The following HK2 variants were observed in gnomAD, a reference collection of about 807,000 sequenced individuals.
HK2 encodes the protein hexokinase 2.
A neutral mutation model predicts 92.9 loss-of-function variants in HK2; 42 were observed. The observed-to-expected ratio is 0.45, with a 90% confidence interval of 0.35 to 0.58. The LOEUF is 0.58. HK2 is among the 20% of genes least tolerant of loss of function. HK2 has a pLI of 0.00. For synonymous variants in HK2, 422 were observed against 468.0 expected, an observed-to-expected ratio of 0.90 and a Z score of 1.27; for missense variants, 978 against 1,245.1, an observed-to-expected ratio of 0.79 and a Z score of 3.23.
chr2:74,875,566 C>T (rs1167205820), intron 7 of HK2, among the ~76,000 whole-genome samples: 3 of 152,244 alleles, frequency 2.0e-5, no homozygotes, highest in African/African-American at 4.8e-5. Flanking sequence ...CGACCTCAGG[C>T]GGTCCGCCCT....
intron 8 of HK2, among the ~76,000 whole-genome samples, 160 bp from the exon 9 acceptor site, chr2:74,878,528 C>G (rs1689293936): frequency 2.0e-5 from 3 of 152,104 alleles, no homozygotes; most frequent in Non-Finnish European, 4.4e-5. Context: ...CTTCCTCCTC[C>G]TCCTGCCCCT....
Position 74,889,468 on chromosome 2 carries a change from C to T in HK2, c.2599C>T (p.Leu867=). 4 of 1,607,442 alleles carry T rather than the reference C, an allele frequency of 2.5e-6. No homozygotes were observed. The highest frequency in any genetic ancestry group is 1.7e-6 in the Non-Finnish European group (2 of 1,175,508). Residue 867 remains leucine, a synonymous_variant, in exon 17 of 18, where the codon CTA becomes TTA. Transcript: ENST00000290573. ...GGGTGTGGATGGGACCCTCTACAAG[C>T]TACATCCTCAGTGAGTGCCTGATCC... is the stretch of plus-strand genomic sequence containing the variant. ...TVGVDGTLYK[L]HPHFAKVMHE...
intron 2 of HK2, among the ~76,000 whole-genome samples, chr2:74,865,675 C>G (rs536819066): frequency 5.9e-5 from 9 of 152,046 alleles, no homozygotes; most frequent in Non-Finnish European, 1.3e-4. Context: ...GTGGTGGGGC[C>G]ACCTCTAGTC....
chr2:74,836,801 A>T (rs1280350291), intron 1 of HK2, among the ~76,000 whole-genome samples: 1 of 152,200 alleles, frequency 6.6e-6, no homozygotes, highest in African/African-American at 2.4e-5. Context: ...TGGAAAGAAG[A>T]ATTAAGAGAG....
At position 74,867,758 on chromosome 2, in the gene HK2, G is replaced by A. The variant is rs1051408884; in HGVS notation, c.349G>A (p.Asp117Asn). 5 of 1,614,156 alleles carry A rather than the reference G, an allele frequency of 3.1e-6. No individual in the cohort carries two copies. In the Admixed American group the frequency reaches 6.7e-5, roughly 22 times the overall value. The change falls in exon 3 of 18, where the codon GAC (aspartate) becomes AAC (asparagine). Residue 117 changes from aspartate to asparagine, a missense_variant. By Grantham distance (23) the Asp-to-Asn change is conservative. Coordinates refer to ENST00000290573, the MANE Select transcript of HK2 (RefSeq NM_000189.5). ...MENQIYAIPEDIMRGSGTQLF... is the reference protein window; with the variant it reads ...MENQIYAIPENIMRGSGTQLF... ...GAATCAGATCTATGCCATCCCTGAG[G>A]ACATCATGCGAGGCAGTGGCACCCA...
At position 74,884,753 on chromosome 2, in the gene HK2, C is replaced by G. The variant is rs565163448; in HGVS notation, c.1840-741C>G. 1.8e-4 allele frequency among the ~76,000 whole-genome samples: 28 copies of G among 152,298 alleles called. No individual in the cohort carries two copies. The South Asian group carries it at 5.6e-3, about 30-fold the overall frequency. On this transcript the variant is annotated intron_variant, in intron 12 of 17. Coordinates refer to ENST00000290573, the MANE Select transcript of HK2 (RefSeq NM_000189.5). ...AGTCTGAAGCCCTGAGGCTTGTTTC[C>G]TGGTGGGCTGTGGCAGCAGAGAGGG...
At chr2:74,885,364 T>G in intron 12 of HK2, 130 bp from the exon 13 acceptor site, 11 of 713,992 alleles carry the variant, frequency 1.5e-5, no homozygotes, top group East Asian at 5.4e-5. Flanking sequence ...AATTTGCGGG[T>G]GAGATGATTG....
At chr2:74,840,754 C>A (rs13432314) in intron 1 of HK2, among the ~76,000 whole-genome samples, 2,872 of 151,394 alleles carry the variant, frequency 0.019, 89 homozygotes, top group African/African-American at 0.066. Flanking sequence ...TGGCAGGCAC[C>A]TGTAGTCCCA....
At chr2:74,882,486 G>A (rs1689423005) in intron 12 of HK2, among the ~76,000 whole-genome samples, 1 of 150,904 alleles carries the variant, frequency 6.6e-6, no homozygotes, top group Admixed American at 6.6e-5. Context: ...ACAACTGCCG[G>A]GTGTGGTGAC....
intron 2 of HK2, among the ~76,000 whole-genome samples, chr2:74,860,367 A>G (rs901915657): frequency 6.6e-6 from 1 of 152,188 alleles, no homozygotes; most frequent in Non-Finnish European, 1.5e-5. Flanking sequence ...AAGATACAGA[A>G]CATTACCATC....
rs1689727733 is a variant in HK2 at position 74,893,297 on chromosome 2, TTTAA to T, written c.*2361_*2364del. 1 of 152,210 alleles carries T rather than the reference TTTAA, an allele frequency of 6.6e-6. No individual in the cohort carries two copies. The highest frequency in any genetic ancestry group is 2.4e-5 in the African/African-American group (1 of 41,456). 9.4% of individuals were successfully genotyped at this position (152,210 alleles called of 1,614,324 possible). A position where few individuals can be genotyped will look rare whatever the true frequency, so the allele number is the denominator to read the frequency against. The stretch of plus-strand genomic sequence containing the variant: ...GTCATTATGTACAATACATAACTAG[TTTAA>T]TTAACTATGTGATGTTAACTATTAT... On this transcript the variant is annotated 3_prime_UTR_variant, in exon 18 of 18. Coordinates refer to ENST00000290573, the MANE Select transcript of HK2 (RefSeq NM_000189.5).
At position 74,845,797 on chromosome 2, in the gene HK2, G is replaced by A. The variant is rs541057003; in HGVS notation, c.64-8496G>A. Among the ~76,000 whole-genome samples, 4 of 152,344 alleles carry A rather than the reference G, an allele frequency of 2.6e-5. No individual in the cohort carries two copies. In the South Asian group the frequency reaches 8.3e-4, roughly 32 times the overall value. On this transcript the variant is annotated intron_variant, in intron 1 of 17. Coordinates refer to ENST00000290573, the MANE Select transcript of HK2 (RefSeq NM_000189.5). ...AGGACAGGAGACTTACAGAATCCAT[G>A]TTCTGCTGTGTGTCTTCCCCCCGGC...
intron 1 of HK2, among the ~76,000 whole-genome samples, chr2:74,850,469 G>C (rs1253092218): frequency 3.3e-5 from 5 of 152,182 alleles, no homozygotes; most frequent in African/African-American, 4.8e-5. Flanking sequence ...TCAATTGGGT[G>C]GAGAGAGACA....
At chr2:74,868,476 A>G (rs1689014372) in intron 3 of HK2, among the ~76,000 whole-genome samples, 1 of 152,174 alleles carries the variant, frequency 6.6e-6, no homozygotes, top group African/African-American at 2.4e-5. Context: ...GTAAAAAGGG[A>G]TGATAGTGTA....
At chr2:74,852,970 T>C (rs2103879215) in intron 1 of HK2, among the ~76,000 whole-genome samples, 1 of 152,334 alleles carries the variant, frequency 6.6e-6, no homozygotes, top group South Asian at 2.1e-4. Flanking sequence ...AATATTTAGT[T>C]CCAAATTGTG....
intron 1 of HK2, among the ~76,000 whole-genome samples, chr2:74,839,405 A>C (rs973116500): frequency 6.6e-6 from 1 of 152,108 alleles, no homozygotes; most frequent in African/African-American, 2.4e-5. Context: ...ATTTTTGTCT[A>C]TGTTAATTTT....
In HK2 at chr2:74,873,947, A is replaced by G. The variant is rs1229667141; in HGVS notation, c.691+4A>G. ...TGTGAGATTGGTCTCATTGTGGGTG[A>G]GTGAACACCGTGCATGAAGGGCCCG... On this transcript the variant is annotated splice_donor_region_variant and intron_variant, in intron 6 of 17. Coordinates refer to ENST00000290573, the MANE Select transcript of HK2 (RefSeq NM_000189.5). 6.2e-7 allele frequency: 1 copy of G among 1,606,758 alleles called. No individual in the cohort carries two copies. The highest frequency in any genetic ancestry group is 8.5e-7 in the Non-Finnish European group (1 of 1,173,474).
At chr2:74,840,994 C>A (rs1484556283) in intron 1 of HK2, among the ~76,000 whole-genome samples, 1 of 151,780 alleles carries the variant, frequency 6.6e-6, no homozygotes, top group African/African-American at 2.4e-5. Context: ...CACCATGCTT[C>A]CTTGTGCTGG....
chr2:74,859,855 A>G (rs1212086633), intron 2 of HK2, among the ~76,000 whole-genome samples: 2 of 152,208 alleles, frequency 1.3e-5, no homozygotes, highest in Non-Finnish European at 2.9e-5. Context: ...ATCATACCAA[A>G]AAGATGCCTG....
Sources: gnomAD v4.1 joint callset for allele counts (sites outside exome capture counted in the v4.1 genomes callset) on GRCh38, gnomAD v4.1.1 for gene constraint, MANE v1.5 for transcripts, NCBI Gene and HGNC (gene_info 2026-07-23, HGNC 2026-07-21) for gene names.